KCNK2: variants seen among roughly 807,000 people sequenced by gnomAD.
KCNK2 encodes potassium channel subfamily K member 2.
In KCNK2, 21 loss-of-function variants were observed where a neutral mutation model predicts 40.5. The observed-to-expected ratio is 0.52, with a 90% confidence interval of 0.37 to 0.75. The LOEUF is 0.75. Ranked by LOEUF, KCNK2 falls within the 30% of genes least tolerant of loss-of-function variation. The pLI is 0.00. For synonymous variants in KCNK2, 191 were observed against 202.2 expected, an observed-to-expected ratio of 0.94 and a Z score of 0.47; for missense variants, 399 against 531.6, an observed-to-expected ratio of 0.75 and a Z score of 2.45.
At chr1:215,029,889 T>C in intron 1 of KCNK2, among the ~76,000 whole-genome samples, 1 of 151,998 alleles carries the variant, frequency 6.6e-6, no homozygotes, top group East Asian at 1.9e-4. Flanking sequence ...TCTGTGTAGG[T>C]TTTTGTGTGG....
At chr1:215,011,040 A>T (rs758896460) in intron 1 of KCNK2, among the ~76,000 whole-genome samples, 2 of 150,348 alleles carry the variant, frequency 1.3e-5, no homozygotes, top group African/African-American at 2.4e-5. Flanking sequence ...TTTTAAATTT[A>T]CATCAAGTAA....
At chr1:215,118,705 CG>C (rs201656088) in intron 2 of KCNK2, among the ~76,000 whole-genome samples, 2,307 of 152,098 alleles carry the variant, frequency 0.015, 27 homozygotes, top group Middle Eastern at 0.041. Context: ...GAAATTATGT[CG>C]TTTTTAAAAA....
At chr1:215,194,166 AT>A (rs1664774253) in intron 5 of KCNK2, among the ~76,000 whole-genome samples, 1 of 152,196 alleles carries the variant, frequency 6.6e-6, no homozygotes. Context: ...ATGCCCCCAT[AT>A]TAATGGGGTA....
intron 5 of KCNK2, among the ~76,000 whole-genome samples, chr1:215,179,126 T>G (rs1330108616): frequency 1.3e-5 from 2 of 152,042 alleles, no homozygotes; most frequent in African/African-American, 4.8e-5. Context: ...TCTATATTTT[T>G]TAATTTGTGT....
In KCNK2 at chr1:215,210,013, TATATA is replaced by T. The variant is rs1283556751; in HGVS notation, c.963+14927_963+14931del. The stretch of plus-strand genomic sequence containing the variant: ...AATATATAATATATATTATATATAA[TATATA>T]ATATATATTATATATAATATATATA... On this transcript the variant is annotated intron_variant, in intron 6 of 6. Coordinates refer to ENST00000444842, the MANE Select transcript of KCNK2 (RefSeq NM_001017425.3). Among the ~76,000 whole-genome samples the T allele has an allele frequency of 0.014, 279 of 20,492 alleles. 2 individuals are homozygous for T. In the South Asian group the frequency reaches 0.27, roughly 20 times the overall value. 13.4% of individuals were successfully genotyped at this position (20,492 alleles called of 152,430 possible).
intron 1 of KCNK2, among the ~76,000 whole-genome samples, chr1:215,023,239 A>G (rs1232679758): frequency 6.6e-6 from 1 of 151,950 alleles, no homozygotes; most frequent in Non-Finnish European, 1.5e-5. Flanking sequence ...TTTTTCCTGT[A>G]TGGTGAGAGA....
At chr1:215,081,256 G>GGT (rs1216017444), upstream of KCNK2, among the ~76,000 whole-genome samples, 6 of 151,550 alleles carry the variant, frequency 4.0e-5, no homozygotes, top group East Asian at 9.7e-4. Flanking sequence ...ATGTAAAGTT[G>GGT]GTGTGTGTGT....
At chr1:215,122,073 T>A (rs1439644488) in intron 2 of KCNK2, among the ~76,000 whole-genome samples, 1 of 152,104 alleles carries the variant, frequency 6.6e-6, no homozygotes, top group Non-Finnish European at 1.5e-5. Flanking sequence ...CAATAACCAA[T>A]TATAATTCAA....
chr1:215,017,049 C>T (rs1464478419), intron 1 of KCNK2, among the ~76,000 whole-genome samples: 3 of 152,134 alleles, frequency 2.0e-5, no homozygotes, highest in Admixed American at 2.0e-4. Flanking sequence ...GATATCACCT[C>T]GCCCTATCAG....
At chr1:215,209,474 T>TA (rs1157727799) in intron 6 of KCNK2, among the ~76,000 whole-genome samples, 12 of 12,598 alleles carry the variant, frequency 9.5e-4, no homozygotes, top group African/African-American at 1.3e-3. Flanking sequence ...ATATAATATA[T>TA]ATTATATATA....
upstream of KCNK2, among the ~76,000 whole-genome samples, chr1:215,080,147 A>C (rs1659095496): frequency 6.6e-6 from 1 of 152,204 alleles, no homozygotes; most frequent in African/African-American, 2.4e-5. Context: ...AAGTTCCATG[A>C]GTCTGGAAAA....
At chr1:215,135,057 A>G (rs1661842255) in intron 3 of KCNK2, among the ~76,000 whole-genome samples, 1 of 152,120 alleles carries the variant, frequency 6.6e-6, no homozygotes, top group Non-Finnish European at 1.5e-5. Context: ...ACTTGATGGA[A>G]AAAAAGACTG....
At chr1:215,224,657 G>T (rs1268343085) in intron 6 of KCNK2, among the ~76,000 whole-genome samples, 2 of 152,164 alleles carry the variant, frequency 1.3e-5, no homozygotes, top group African/African-American at 4.8e-5. Context: ...AGAGCTAGAG[G>T]GAGCCAAGGA....
chr1:215,077,434 C>T (rs1658983692), intron 1 of KCNK2, among the ~76,000 whole-genome samples: 1 of 152,172 alleles, frequency 6.6e-6, no homozygotes, highest in Non-Finnish European at 1.5e-5. Context: ...CCAACAATAT[C>T]ACTATGAAAC....
intron 1 of KCNK2, among the ~76,000 whole-genome samples, chr1:215,032,936 A>G (rs1657256255): frequency 6.6e-6 from 1 of 151,958 alleles, no homozygotes; most frequent in African/African-American, 2.4e-5. Flanking sequence ...TTATTGTTTC[A>G]TATATGTCTC....
chr1:215,103,568 A>G (rs1660310738), intron 2 of KCNK2, among the ~76,000 whole-genome samples: 1 of 151,886 alleles, frequency 6.6e-6, no homozygotes, highest in Admixed American at 6.6e-5. Context: ...TTTCTGGGAG[A>G]TGTTTTATCA....
At position 215,172,109 on chromosome 1, in the gene KCNK2, G is replaced by A. The variant is rs1193432211; in HGVS notation, c.749G>A (p.Gly250Asp). The A allele has an allele frequency of 6.2e-7, 1 of 1,613,634 alleles. No individual in the cohort carries two copies. The highest frequency in any genetic ancestry group is 1.3e-5 in the African/African-American group (1 of 74,958). The change falls in exon 5 of 7, where the codon GGC (glycine) becomes GAC (aspartate). Residue 250 changes from glycine (G) to aspartate (D), a missense_variant. Physicochemically the swap from Gly to Asp is moderately conservative, Grantham distance 94 (BLOSUM62 -1). Coordinates refer to ENST00000444842, the MANE Select transcript of KCNK2 (RefSeq NM_001017425.3). ...GCGATCATATTCAAACACATAGAAG[G>A]CTGGAGTGCCCTGGACGCCATTTAT... ...LPAIIFKHIE[G>D]WSALDAIYFV...
intron 2 of KCNK2, among the ~76,000 whole-genome samples, chr1:215,120,393 G>C (rs909090351): frequency 1.3e-5 from 2 of 151,886 alleles, no homozygotes; most frequent in African/African-American, 2.4e-5. Flanking sequence ...CTTTTCTATT[G>C]CTTCCCCATC....
intron 2 of KCNK2, among the ~76,000 whole-genome samples, chr1:215,114,012 C>T (rs570412185): frequency 3.0e-4 from 45 of 152,260 alleles, no homozygotes; most frequent in African/African-American, 1.0e-3. Context: ...TCTGAATCCT[C>T]GAGAGACTGC....
Sources: gnomAD v4.1 joint callset for allele counts (sites outside exome capture counted in the v4.1 genomes callset) on GRCh38, gnomAD v4.1.1 for gene constraint, MANE v1.5 for transcripts, NCBI Gene and HGNC (gene_info 2026-07-23, HGNC 2026-07-21) for gene names.